The following ORC5 variants were observed in gnomAD, a reference collection of about 807,000 sequenced individuals.
The protein encoded by ORC5 is origin recognition complex subunit 5.
In ORC5, 39 loss-of-function variants were observed where a neutral mutation model predicts 58.8. The observed-to-expected ratio is 0.66, with a 90% CI of 0.51 to 0.87. The LOEUF is 0.87. Ranked by LOEUF, ORC5 falls within the 40% of genes least tolerant of loss-of-function variation. The probability of loss-of-function intolerance (pLI) is 0.00; values close to 1 mark genes in which losing one functional copy is unlikely to be tolerated. For synonymous variants in ORC5, 218 were observed against 177.6 expected (o/e 1.23, Z -1.81); for missense variants, 493 against 506.3 (o/e 0.97, Z 0.25).
chr7:104,163,590 C>A (rs1799059489), intron 11 of ORC5, among the ~76,000 whole-genome samples: 1 of 152,132 alleles, frequency 6.6e-6, no homozygotes, highest in African/African-American at 2.4e-5. Flanking sequence ...AGGTTCACGC[C>A]ATTCTCCCGC....
chr7:104,131,231 C>T (rs765108909), intron 13 of ORC5, among the ~76,000 whole-genome samples: 8 of 152,130 alleles, frequency 5.3e-5, no homozygotes, highest in Non-Finnish European at 8.8e-5. Flanking sequence ...TCCTCCTTCT[C>T]GGAGAAAATG....
At chr7:104,188,219 T>A (rs3079580) in intron 6 of ORC5, 32 bp downstream of exon 6, 1 of 1,207,126 alleles carries the variant, frequency 8.3e-7, no homozygotes, top group Non-Finnish European at 1.2e-6. Flanking sequence ...CACACACACA[T>A]ATATATATAT....
At chr7:104,186,274 C>T (rs7781770) in intron 6 of ORC5, among the ~76,000 whole-genome samples, 4,322 of 151,466 alleles carry the variant, frequency 0.029, 189 homozygotes, top group African/African-American at 0.099. Context: ...TCAGGGAATA[C>T]AAAACCCATG....
In ORC5 at chr7:104,204,120, T is replaced by C. The variant is rs1225103771; in HGVS notation, c.165+22A>G. ...TTATACACTAAAAATGGCAAAGAAA[T>C]ATTTAATATTTTTATTCTTACCTCT... is the stretch of plus-strand genomic sequence containing the variant. On this transcript the variant is annotated intron_variant, in intron 2 of 13. Transcript: ENST00000297431. 3.7e-6 allele frequency: 5 copies of C among 1,340,436 alleles called. No individual in the cohort carries two copies. In the African/African-American group the frequency reaches 4.4e-5, roughly 12 times the overall value. The allele number at this position is 1,340,436 out of a possible 1,614,324, so 83.0% of individuals were successfully genotyped here. A position where few individuals can be genotyped will look rare whatever the true frequency, so the allele number is the denominator to read the frequency against.
At chr7:104,179,944 C>T (rs1393336888) in intron 8 of ORC5, among the ~76,000 whole-genome samples, 1 of 152,156 alleles carries the variant, frequency 6.6e-6, no homozygotes, top group Non-Finnish European at 1.5e-5. Flanking sequence ...CTGATTATAA[C>T]TCTGCTGTTA....
At chr7:104,140,323 CCCT>C (rs1444528194) in intron 12 of ORC5, among the ~76,000 whole-genome samples, 28 of 151,434 alleles carry the variant, frequency 1.8e-4, no homozygotes, top group Middle Eastern at 3.4e-3. Context: ...ACCTATTTGT[CCCT>C]CCTTTCCTTT....
rs2307401 is a variant in ORC5 at position 104,161,206 on chromosome 7, T to A, written c.1039-24A>T. 6.1e-3 allele frequency: 7,955 copies of A among 1,301,590 alleles called. 358 individuals are homozygous for A. The African/African-American group carries it at 0.1, about 16-fold the overall frequency. The allele number at this position is 1,301,590 out of a possible 1,614,324, so 80.6% of individuals were successfully genotyped here. On this transcript the variant is annotated intron_variant, in intron 11 of 13. Coordinates refer to ENST00000297431, the MANE Select transcript of ORC5 (RefSeq NM_002553.4). ...GTCTGTAAAAAACAAAACAAAAACA[T>A]GGATTTTCTTCTTATACCAGAGCAC...
intron 12 of ORC5, among the ~76,000 whole-genome samples, chr7:104,151,416 A>G (rs561763288): frequency 6.6e-6 from 1 of 152,300 alleles, no homozygotes; most frequent in East Asian, 1.9e-4. Flanking sequence ...TGTATTTAGG[A>G]AAAATAGACT....
chr7:104,178,822 AC>A (rs1221811388), intron 8 of ORC5, among the ~76,000 whole-genome samples: 1 of 152,046 alleles, frequency 6.6e-6, no homozygotes, highest in Admixed American at 6.6e-5. Flanking sequence ...ACTAAAAGTT[AC>A]CTTAACAATT....
intron 2 of ORC5, chr7:104,202,480 G>A (rs938739190): frequency 4.4e-6 from 2 of 454,954 alleles, no homozygotes; most frequent in Non-Finnish European, 8.8e-6. Flanking sequence ...ATAGTGTCTT[G>A]CTTACGGCAT....
Position 104,161,147 on chromosome 7 carries a change from T to A in ORC5, c.1074A>T (p.Pro358=). Residue 358 remains proline, a synonymous_variant, in exon 12 of 14, where the codon CCA becomes CCT. Transcript: ENST00000297431. Reference sequence around the variant, plus strand: ...ATAATATTGCTAATAATCTGTCTAGTGGAAATGGTTTTGGCCCAAGGAGAT... The same window carrying A: ...ATAATATTGCTAATAATCTGTCTAGAGGAAATGGTTTTGGCCCAAGGAGAT... ...SNHLLGPKPF[P]LDRLLAILYS... 3 of 1,610,640 alleles carry A rather than the reference T, an allele frequency of 1.9e-6. 1 individual carries two copies. Among genetic ancestry groups the A allele is most frequent in the Non-Finnish European group, 1.7e-6 (2 of 1,177,126 alleles).
At chr7:104,207,810 G>A in intron 1 of ORC5, 23 bp downstream of exon 1, 1 of 1,604,958 alleles carries the variant, frequency 6.2e-7, no homozygotes, top group East Asian at 2.2e-5. Flanking sequence ...TCCAGGATCT[G>A]GAAGACAGTT....
intron 12 of ORC5, among the ~76,000 whole-genome samples, chr7:104,139,914 TTTG>T (rs1798646531): frequency 6.6e-6 from 1 of 152,038 alleles, no homozygotes; most frequent in Non-Finnish European, 1.5e-5. Flanking sequence ...TTAAAATTCT[TTTG>T]TTATCATAGA....
intron 8 of ORC5, among the ~76,000 whole-genome samples, chr7:104,172,790 T>C (rs1316077240): frequency 6.6e-6 from 1 of 152,212 alleles, no homozygotes; most frequent in Non-Finnish European, 1.5e-5. Context: ...GTCAAAATCA[T>C]GTTCTTCTCA....
chr7:104,135,929 C>A (rs897637729), intron 13 of ORC5, among the ~76,000 whole-genome samples: 1 of 152,168 alleles, frequency 6.6e-6, no homozygotes, highest in African/African-American at 2.4e-5. Context: ...ACACTCATCA[C>A]CTCTTCCATT....
At chr7:104,174,181 T>C (rs1799274661) in intron 8 of ORC5, among the ~76,000 whole-genome samples, 1 of 152,202 alleles carries the variant, frequency 6.6e-6, no homozygotes, top group African/African-American at 2.4e-5. Flanking sequence ...TGGTTTCATT[T>C]TGGTTTGGTA....
Position 104,199,127 on chromosome 7 carries a change from T to C in ORC5, c.367-1328A>G, listed in dbSNP as rs554686722. Among the ~76,000 whole-genome samples, 7 of 152,088 alleles carry C rather than the reference T, an allele frequency of 4.6e-5. No homozygotes were observed. The East Asian group carries it at 1.2e-3, about 25-fold the overall frequency. On this transcript the variant is annotated intron_variant, in intron 3 of 13. Transcript: ENST00000297431. Reference sequence around the variant, plus strand: ...CAGGGCCCTCATGGAGAACCTCTACTAGGGCAGTACAGAAGGGGAATGTGG... The same window carrying C: ...CAGGGCCCTCATGGAGAACCTCTACCAGGGCAGTACAGAAGGGGAATGTGG...
At chr7:104,157,706 T>A (rs1367679659) in intron 12 of ORC5, among the ~76,000 whole-genome samples, 2 of 152,080 alleles carry the variant, frequency 1.3e-5, no homozygotes, top group Non-Finnish European at 2.9e-5. Context: ...AGGATAAAAT[T>A]GCTGAAGAGT....
At chr7:104,175,152 T>C (rs1426347040) in intron 8 of ORC5, among the ~76,000 whole-genome samples, 1 of 152,218 alleles carries the variant, frequency 6.6e-6, no homozygotes, top group African/African-American at 2.4e-5. Flanking sequence ...TAGAATTCTT[T>C]CTTCTGGGAA....
Sources: allele counts gnomAD v4.1 joint callset (sites outside exome capture counted in the v4.1 genomes callset), GRCh38; gene constraint gnomAD v4.1.1; transcripts MANE v1.5; gene names NCBI Gene and HGNC (gene_info 2026-07-23, HGNC 2026-07-21).